TMEM196: variants seen among roughly 807,000 people sequenced by gnomAD.
The protein encoded by TMEM196 is transmembrane protein 196.
A neutral mutation model predicts 20.0 loss-of-function variants in TMEM196; 17 were observed. The ratio of observed to expected loss-of-function variants is 0.85; its 90% CI spans 0.58 to 1.27. The LOEUF is 1.27. Ranked by LOEUF, TMEM196 falls within the 50% of genes most tolerant of loss-of-function variation. TMEM196 has a pLI of 0.00. For synonymous variants in TMEM196, 113 were observed against 88.9 expected (o/e 1.27, Z -1.52); for missense variants, 267 against 223.0 (o/e 1.20, Z -1.26).
intron 1 of TMEM196, among the ~76,000 whole-genome samples, chr7:19,734,982 C>T (rs972831561): frequency 2.0e-5 from 3 of 151,940 alleles, no homozygotes; most frequent in Non-Finnish European, 2.9e-5. Flanking sequence ...ATGGAAAATA[C>T]GTTATTGAAA....
At chr7:19,752,376 T>G (rs1411335630) in intron 1 of TMEM196, among the ~76,000 whole-genome samples, 2 of 152,126 alleles carry the variant, frequency 1.3e-5, no homozygotes, top group African/African-American at 4.8e-5. Context: ...TCCTACGTCA[T>G]TTTCATCACA....
At chr7:19,754,014 G>A (rs971155276) in intron 1 of TMEM196, among the ~76,000 whole-genome samples, 2 of 152,144 alleles carry the variant, frequency 1.3e-5, no homozygotes, top group Non-Finnish European at 2.9e-5. Context: ...ACTTTATTGT[G>A]TATTGAACTA....
intron 1 of TMEM196, among the ~76,000 whole-genome samples, chr7:19,737,087 G>T (rs1784432148): frequency 6.6e-6 from 1 of 151,684 alleles, no homozygotes; most frequent in Non-Finnish European, 1.5e-5. Flanking sequence ...ATATTGAAGG[G>T]AAATAAACTG....
At position 19,726,393 on chromosome 7, in the gene TMEM196, T is replaced by A. The variant is rs535457515; in HGVS notation, c.205-625A>T. On this transcript the variant is annotated intron_variant, in intron 2 of 4. Transcript: ENST00000405844. The stretch of plus-strand genomic sequence containing the variant: ...GGAAATTTAGTTAAATCTCTTTTTT[T>A]AAAAAAAAGTTCACTCATATTTCAT... 1.2e-3 allele frequency among the ~76,000 whole-genome samples: 183 copies of A among 152,184 alleles called. 1 individual carries two copies. Among genetic ancestry groups the A allele is most frequent in the African/African-American group, 3.9e-3 (161 of 41,548 alleles).
At chr7:19,771,907 T>C (rs1785895627) in intron 1 of TMEM196, among the ~76,000 whole-genome samples, 1 of 152,254 alleles carries the variant, frequency 6.6e-6, no homozygotes, top group Non-Finnish European at 1.5e-5. Flanking sequence ...TTTTCTAACT[T>C]ACTGTCTAGA....
intron 1 of TMEM196, among the ~76,000 whole-genome samples, chr7:19,763,127 A>C (rs1365690360): frequency 6.6e-6 from 1 of 152,094 alleles, no homozygotes; most frequent in African/African-American, 2.4e-5. Flanking sequence ...TTTGATTTTT[A>C]TCCTACTTCT....
intron 1 of TMEM196, among the ~76,000 whole-genome samples, chr7:19,746,438 A>T (rs1663141308): frequency 6.6e-6 from 1 of 152,244 alleles, no homozygotes; most frequent in African/African-American, 2.4e-5. Context: ...AGAAATGTAG[A>T]TGCTCAATTT....
chr7:19,772,450 T>A, intron 1 of TMEM196, 100 bp downstream of exon 1: 1 of 1,305,472 alleles, frequency 7.7e-7, no homozygotes. Context: ...ATGATTTTGT[T>A]TCCCAGGGAG....
intron 1 of TMEM196, among the ~76,000 whole-genome samples, chr7:19,768,744 C>T (rs563974850): frequency 2.0e-4 from 30 of 152,254 alleles, no homozygotes; most frequent in African/African-American, 6.7e-4. Context: ...CTTTCTTTCT[C>T]TATGAAATTA....
rs184432885 is a variant in TMEM196 at position 19,720,285 on chromosome 7, A to C, written c.*1843T>G. The C allele has an allele frequency of 6.6e-6, 1 of 152,038 alleles. No individual in the cohort carries two copies. The highest frequency in any genetic ancestry group is 2.4e-5 in the African/African-American group (1 of 41,450). 9.4% of individuals were successfully genotyped at this position (152,038 alleles called of 1,614,324 possible). A position where few individuals can be genotyped will look rare whatever the true frequency, so the allele number is the denominator to read the frequency against. On this transcript the variant is annotated 3_prime_UTR_variant, in exon 5 of 5. Coordinates refer to ENST00000405844, the MANE Select transcript of TMEM196 (RefSeq NM_001363562.2). ...AGCAGAGTCCAGTTATTTCTGTTGAATAGATGACAGCCAGAATTTTAAGTG... is the reference window on the plus strand; with the variant it reads ...AGCAGAGTCCAGTTATTTCTGTTGACTAGATGACAGCCAGAATTTTAAGTG...
chr7:19,725,721 G>T lies in TMEM196; in HGVS notation c.252C>A (p.Ile84=), dbSNP rs903728920. The T allele has an allele frequency of 6.2e-7, 1 of 1,613,200 alleles. No homozygotes were observed. The highest frequency in any genetic ancestry group is 8.5e-7 in the Non-Finnish European group (1 of 1,179,254). The change falls in exon 3 of 5, where the codon ATC becomes ATA. Residue 84 remains isoleucine, a synonymous_variant. Transcript: ENST00000405844. The stretch of plus-strand genomic sequence containing the variant: ...CTGCCCGGAGGAACTGAAAATTCAG[G>T]ATGCCCCCAATAAGTCCACAGATAC... ...ACCICGLIGG[I]LNFQFLRAVT...
intron 1 of TMEM196, among the ~76,000 whole-genome samples, chr7:19,747,368 G>T (rs1784797861): frequency 6.6e-6 from 1 of 152,104 alleles, no homozygotes; most frequent in African/African-American, 2.4e-5. Context: ...CTTTACAGTT[G>T]AGTTGATTAT....
chr7:19,770,430 C>A (rs1785823508), intron 1 of TMEM196, among the ~76,000 whole-genome samples: 2 of 152,074 alleles, frequency 1.3e-5, no homozygotes, highest in African/African-American at 4.8e-5. Flanking sequence ...AAATGATTTC[C>A]CCAAAATAAT....
Position 19,772,655 on chromosome 7 carries a change from G to A in TMEM196, c.42C>T (p.Leu14=). The A allele has an allele frequency of 6.5e-7, 1 of 1,542,370 alleles. No individual in the cohort carries two copies. Among genetic ancestry groups the A allele is most frequent in the Non-Finnish European group, 8.7e-7 (1 of 1,142,922 alleles). Residue 14 remains leucine (L), a synonymous_variant, in exon 1 of 5, where the codon CTC becomes CTT. Coordinates refer to ENST00000405844, the MANE Select transcript of TMEM196 (RefSeq NM_001363562.2). ...CCCCCAGCCCTATCTCCAGCACGGA[G>A]AGCACCAAGAGGCTCCCAATAATCT... ...SGQIIGSLLV[L]SVLEIGLGVS...
intron 1 of TMEM196, among the ~76,000 whole-genome samples, chr7:19,746,169 T>C (rs1471289555): frequency 6.6e-6 from 1 of 152,174 alleles, no homozygotes; most frequent in African/African-American, 2.4e-5. Context: ...AGGAGTTATA[T>C]AGAGGAAGAC....
At position 19,773,133 on chromosome 7, in the gene TMEM196, T is replaced by C. The variant is rs1785959832; in HGVS notation, c.-437A>G. 6.4e-6 allele frequency: 1 copy of C among 155,366 alleles called. No homozygotes were observed. Among genetic ancestry groups the C allele is most frequent in the South Asian group, 2.1e-4 (1 of 4,860 alleles). The allele number at this position is 155,366 out of a possible 1,614,324, so 9.6% of individuals were successfully genotyped here. A position where few individuals can be genotyped will look rare whatever the true frequency, so the allele number is the denominator to read the frequency against. On this transcript the variant is annotated 5_prime_UTR_variant, in exon 1 of 5. Coordinates refer to ENST00000405844, the MANE Select transcript of TMEM196 (RefSeq NM_001363562.2). ...CTTTCACAGGGTCCCTTCTGTTTTA[T>C]TGCCGAGGAGAGGAGCTTTGCTTCC...
intron 1 of TMEM196, among the ~76,000 whole-genome samples, chr7:19,765,242 A>G (rs1196754826): frequency 5.9e-5 from 9 of 152,180 alleles, no homozygotes; most frequent in Non-Finnish European, 1.2e-4. Context: ...CTATTTATTT[A>G]ACCATTAATA....
At chr7:19,722,205 G>A in intron 4 of TMEM196, 71 bp from the exon 5 acceptor site, 1 of 1,312,164 alleles carries the variant, frequency 7.6e-7, no homozygotes. Context: ...TAATGAGTTT[G>A]CAAAACAGAA....
chr7:19,768,817 G>T (rs546415758), intron 1 of TMEM196, among the ~76,000 whole-genome samples: 3 of 152,106 alleles, frequency 2.0e-5, no homozygotes, highest in South Asian at 4.2e-4. Context: ...AAGCATCCCT[G>T]CCTGATTAAT....
Sources: gnomAD v4.1 joint callset for allele counts (sites outside exome capture counted in the v4.1 genomes callset) on GRCh38, gnomAD v4.1.1 for gene constraint, MANE v1.5 for transcripts, NCBI Gene and HGNC (gene_info 2026-07-23, HGNC 2026-07-21) for gene names.